Variants in FMN2 observed in about 807,000 individuals in gnomAD.
FMN2 encodes formin 2.
A neutral mutation model predicts 142.3 loss-of-function variants in FMN2; 51 were observed. That is an observed-to-expected ratio of 0.36 (90% CI 0.29 to 0.45). FMN2 has a LOEUF of 0.45. FMN2 is among the 20% of genes least tolerant of loss of function. FMN2 has a pLI of 1.00. For missense variants in FMN2, 1,936 were observed against 2,122.8 expected, an observed-to-expected ratio of 0.91 and a Z score of 1.73; for synonymous variants, 882 against 869.8, an observed-to-expected ratio of 1.01 and a Z score of -0.25.
chr1:240,470,811 TTTCCTTGTCATAGCTCCCCTTTTTATTAA>T (rs1676783364), intron 16 of FMN2, among the ~76,000 whole-genome samples: 1 of 144,368 alleles, frequency 6.9e-6, no homozygotes, highest in East Asian at 2.0e-4. Context: ...GTTAGATTAT[TTTCCTTGTCATAGCTCCCCTTTTTATTAA>T]AAAAAAAAAA....
In FMN2 at chr1:240,337,185, T is replaced by C. The variant is rs566404239; in HGVS notation, c.4765+2956T>C. Among the ~76,000 whole-genome samples the C allele has an allele frequency of 2.6e-4, 39 of 150,470 alleles. 1 individual carries two copies. Among genetic ancestry groups the C allele is most frequent in the Middle Eastern group, 6.9e-3 (2 of 290 alleles). Reference sequence around the variant, plus strand: ...TGTCTACTTTGATCAAAGTAGCCTATTAAAAATTATTCCTTTTCTTTTTTT... The same window carrying C: ...TGTCTACTTTGATCAAAGTAGCCTACTAAAAATTATTCCTTTTCTTTTTTT... On this transcript the variant is annotated intron_variant, in intron 13 of 17. Coordinates refer to ENST00000319653, the MANE Select transcript of FMN2 (RefSeq NM_020066.5).
At position 240,346,064 on chromosome 1, in the gene FMN2, T is replaced by C. The variant is rs938976001; in HGVS notation, c.4766-9752T>C. Among the ~76,000 whole-genome samples the C allele has an allele frequency of 2.0e-5, 3 of 152,098 alleles. No homozygotes were observed. In the East Asian group the frequency reaches 5.8e-4, roughly 29 times the overall value. The stretch of plus-strand genomic sequence containing the variant: ...TAACACAAGCTTGAGGAAAAGCAAG[T>C]TGTAGGAAAAATATGAACAGTATGA... On this transcript the variant is annotated intron_variant, in intron 13 of 17. Coordinates refer to ENST00000319653, the MANE Select transcript of FMN2 (RefSeq NM_020066.5).
chr1:240,161,857 C>A (rs946541177), intron 2 of FMN2, among the ~76,000 whole-genome samples: 1 of 152,122 alleles, frequency 6.6e-6, no homozygotes, highest in Non-Finnish European at 1.5e-5. Context: ...GATAAAATAA[C>A]AAACCTTCTG....
At chr1:240,265,306 T>C (rs1227731079) in intron 7 of FMN2, among the ~76,000 whole-genome samples, 2 of 152,142 alleles carry the variant, frequency 1.3e-5, no homozygotes. Flanking sequence ...ACAAAATTAT[T>C]AACAGAGTTC....
chr1:240,213,719 A>G (rs2103407807), intron 6 of FMN2, among the ~76,000 whole-genome samples: 1 of 152,352 alleles, frequency 6.6e-6, no homozygotes, highest in African/African-American at 2.4e-5. Context: ...CTTCTTATAT[A>G]CAATGGAAGC....
chr1:240,093,473 C>T lies in FMN2; in HGVS notation c.1364C>T (p.Ser455Phe), dbSNP rs747283262. The change falls in exon 1 of 18, where the codon TCC (serine) becomes TTC (phenylalanine). Residue 455 changes from serine (S) to phenylalanine (F), a missense_variant. Ser to Phe is a radical substitution (Grantham distance 155). Around this residue, in one of 8 missense-constraint regions of FMN2, gnomAD observed 751 missense variants for 791.8 expected, o/e 0.95. Transcript: ENST00000319653. ...RRPEPSLSRG[S>F]RTALASVAAP... is the part of the protein sequence containing the mutation. ...CCGGAACCCTCCCTGAGCCGAGGGT[C>T]CAGAACTGCCCTGGCCTCCGTAGCC... 1.9e-6 allele frequency: 3 copies of T among 1,610,884 alleles called. No individual in the cohort carries two copies. Among genetic ancestry groups the T allele is most frequent in the Non-Finnish European group, 8.5e-7 (1 of 1,178,800 alleles).
intron 2 of FMN2, among the ~76,000 whole-genome samples, chr1:240,134,214 G>T (rs562401167): frequency 8.5e-5 from 13 of 152,288 alleles, no homozygotes; most frequent in African/African-American, 3.1e-4. Context: ...CCTTGATTTT[G>T]TAAAGAAGAG....
chr1:240,345,267 G>A (rs10495466), intron 13 of FMN2, among the ~76,000 whole-genome samples: 12,241 of 152,216 alleles, frequency 0.08, 563 homozygotes, highest in East Asian at 0.15. Context: ...AAATATGAGA[G>A]TGTAAATGTC....
chr1:240,337,207 T>TC (rs1431708516), intron 13 of FMN2, among the ~76,000 whole-genome samples: 1,357 of 103,892 alleles, frequency 0.013, 8 homozygotes, highest in South Asian at 0.028. Context: ...CCTTTTCTTT[T>TC]TTTTTTTTTT....
chr1:240,374,948 C>T (rs758012255), intron 14 of FMN2, among the ~76,000 whole-genome samples: 4 of 152,084 alleles, frequency 2.6e-5, no homozygotes, highest in Non-Finnish European at 4.4e-5. Context: ...GAGGCCTGTA[C>T]AGTTTTTAAT....
At chr1:240,221,849 C>CTTT (rs34473197) in intron 6 of FMN2, among the ~76,000 whole-genome samples, 1 of 115,246 alleles carries the variant, frequency 8.7e-6, no homozygotes, top group Non-Finnish European at 1.7e-5. Flanking sequence ...CTTCTAGGGA[C>CTTT]TTTTTTTTTT....
At chr1:240,271,307 T>C (rs1669005554) in intron 7 of FMN2, among the ~76,000 whole-genome samples, 1 of 151,694 alleles carries the variant, frequency 6.6e-6, no homozygotes, top group Non-Finnish European at 1.5e-5. Flanking sequence ...TCCCTATTAA[T>C]TACCATAAGA....
rs189337247 is a variant in FMN2 at position 240,165,480 on chromosome 1, G to A, written c.1783-12441G>A. 5.7e-5 allele frequency among the ~76,000 whole-genome samples: 4 copies of A among 70,742 alleles called. No individual in the cohort carries two copies. The East Asian group carries it at 1.6e-3, about 27-fold the overall frequency. The allele number at this position is 70,742 out of a possible 152,430, so 46.4% of individuals were successfully genotyped here. A position where few individuals can be genotyped will look rare whatever the true frequency, so the allele number is the denominator to read the frequency against. On this transcript the variant is annotated intron_variant, in intron 2 of 17. Coordinates refer to ENST00000319653, the MANE Select transcript of FMN2 (RefSeq NM_020066.5). Reference sequence around the variant, plus strand: ...GCATGAGCCACCACTCTTTGCTGAAGTCTATTTTGTCTTTTATCTTCTTGG... The same window carrying A: ...GCATGAGCCACCACTCTTTGCTGAAATCTATTTTGTCTTTTATCTTCTTGG...
intron 16 of FMN2, among the ~76,000 whole-genome samples, chr1:240,454,428 G>A (rs1285090281): frequency 6.6e-6 from 1 of 152,140 alleles, no homozygotes; most frequent in Admixed American, 6.5e-5. Context: ...TGTAATCCCA[G>A]CTACTCAGGA....
At chr1:240,112,500 C>T (rs1243431341) in intron 1 of FMN2, among the ~76,000 whole-genome samples, 1 of 152,088 alleles carries the variant, frequency 6.6e-6, no homozygotes, top group Non-Finnish European at 1.5e-5. Context: ...TGGCCCCTCC[C>T]ACTGAGTCTT....
chr1:240,445,411 G>A (rs928302207), intron 16 of FMN2, among the ~76,000 whole-genome samples: 3 of 152,180 alleles, frequency 2.0e-5, no homozygotes, highest in Non-Finnish European at 4.4e-5. Flanking sequence ...AGAGAGGTTG[G>A]TCAGAGGAGG....
chr1:240,393,085 A>T (rs1453693836), intron 15 of FMN2, among the ~76,000 whole-genome samples: 1 of 151,954 alleles, frequency 6.6e-6, no homozygotes, highest in African/African-American at 2.4e-5. Context: ...AAAAAAGAAC[A>T]AACTGGCGAT....
chr1:240,244,114 A>G (rs1380713177), intron 6 of FMN2, among the ~76,000 whole-genome samples: 1 of 152,184 alleles, frequency 6.6e-6, no homozygotes, highest in African/African-American at 2.4e-5. Context: ...CTCTTCAGAG[A>G]AAGATTTGCC....
intron 2 of FMN2, among the ~76,000 whole-genome samples, chr1:240,123,682 T>C (rs745915155): frequency 6.6e-6 from 1 of 152,192 alleles, no homozygotes; most frequent in Non-Finnish European, 1.5e-5. Flanking sequence ...ACATAAAATT[T>C]ACCTCTGTAA....
Sources: allele counts gnomAD v4.1 joint callset (sites outside exome capture counted in the v4.1 genomes callset), GRCh38; gene constraint gnomAD v4.1.1; regional missense constraint gnomAD v4.1.1; transcripts MANE v1.5; gene names NCBI Gene and HGNC (gene_info 2026-07-23, HGNC 2026-07-21).